Variants in CHD9 observed in about 807,000 individuals in gnomAD.
CHD9 encodes the protein ATP-dependent chromatin remodeler CHD9.
In CHD9, 77 loss-of-function variants were observed where a neutral mutation model predicts 316.1. The observed-to-expected ratio is 0.24, with a 90% CI of 0.20 to 0.29. The LOEUF is 0.29. Ranked by LOEUF, CHD9 falls within the 10% of genes least tolerant of loss-of-function variation. The probability of loss-of-function intolerance (pLI) is 1.00; values close to 1 mark genes in which losing one functional copy is unlikely to be tolerated. For missense variants in CHD9, 2,763 were observed against 3,438.1 expected (o/e 0.80, Z 4.91); for synonymous variants, 1,129 against 1,158.3 (o/e 0.97, Z 0.51).
intron 1 of CHD9, among the ~76,000 whole-genome samples, chr16:53,073,280 A>C (rs998553421): frequency 1.3e-5 from 2 of 152,194 alleles, no homozygotes; most frequent in African/African-American, 4.8e-5. Context: ...GATGACCTCA[A>C]GGTTCATCCG....
chr16:53,324,294 T>C lies in CHD9; in HGVS notation c.8093T>C (p.Leu2698Pro). 6.2e-7 allele frequency: 1 copy of C among 1,614,014 alleles called. No homozygotes were observed. The highest frequency in any genetic ancestry group is 8.5e-7 in the Non-Finnish European group (1 of 1,179,876). ...GGGTTGATGGGAATGCCTACCGGCC[T>C]TCCTTCTGGAGGAGAAGCTAAAAAC... ...TAGLMGMPTG[L>P]PSGGEAKNMA... The change falls in exon 39 of 39, where the codon CTT becomes CCT. Residue 2698 changes from leucine to proline, a missense_variant. Physicochemically the swap from Leu to Pro is moderately conservative, Grantham distance 98. Transcript: ENST00000447540.
At chr16:53,314,755 G>A in intron 35 of CHD9, 68 bp from the exon 36 acceptor site, 2 of 1,263,920 alleles carry the variant, frequency 1.6e-6, no homozygotes, top group Non-Finnish European at 2.2e-6. Context: ...AAAAATAATT[G>A]CTTTATTGAA....
chr16:53,128,970 C>T (rs755316997), intron 1 of CHD9, among the ~76,000 whole-genome samples: 1 of 152,094 alleles, frequency 6.6e-6, no homozygotes, highest in African/African-American at 2.4e-5. Context: ...GAAGTGTCAG[C>T]CCAGTAGTGA....
In CHD9 at chr16:53,231,450, T is replaced by C. The variant is rs61756313; in HGVS notation, c.2318T>C (p.Val773Ala). 28 of 1,601,280 alleles carry C rather than the reference T, an allele frequency of 1.7e-5. No individual in the cohort carries two copies. The highest frequency in any genetic ancestry group is 2.1e-5 in the Non-Finnish European group (25 of 1,169,866). ...GAAGAACCATTTAACCCAGACTACG[T>C]TGAAGTAGACAGAGTATTAGAAGTC... ...MEEEPFNPDY[V>A]EVDRVLEVSF... Residue 773 changes from valine to alanine, a missense_variant, in exon 9 of 39, where the codon GTT becomes GCT. By Grantham distance (64) the Val-to-Ala change is moderately conservative (BLOSUM62 0). Around this residue, in one of 15 missense-constraint regions of CHD9, gnomAD observed 186 missense variants for 245.0 expected, o/e 0.76. Coordinates refer to ENST00000447540, the MANE Select transcript of CHD9 (RefSeq NM_001308319.2).
chr16:53,090,465 G>A lies in CHD9; in HGVS notation c.-165+35388G>A, dbSNP rs945305742. On this transcript the variant is annotated intron_variant, in intron 1 of 38. Coordinates refer to ENST00000447540, the MANE Select transcript of CHD9 (RefSeq NM_001308319.2). ...CAGGAAAACATGTGAGTGTGGCAAG[G>A]TATTAATCTCTCTGCACATCAGTCG... Among the ~76,000 whole-genome samples, 11 of 152,170 alleles carry A rather than the reference G, an allele frequency of 7.2e-5. No individual in the cohort carries two copies. The East Asian group carries it at 1.9e-3, about 27-fold the overall frequency.
chr16:53,131,415 G>A (rs1351169896), intron 1 of CHD9: 1 of 145,818 alleles, frequency 6.9e-6, no homozygotes, highest in Admixed American at 6.8e-5. Flanking sequence ...CCCGGGGCCG[G>A]GGTCGGGCGG....
chr16:53,320,184 T>G, intron 37 of CHD9, among the ~76,000 whole-genome samples: 1 of 130,798 alleles, frequency 7.6e-6, no homozygotes, highest in East Asian at 2.2e-4. Flanking sequence ...AAAAAGTGAG[T>G]GAGTGAGTCT....
chr16:53,253,729 TG>T (rs2050322188), intron 17 of CHD9, among the ~76,000 whole-genome samples: 1 of 152,046 alleles, frequency 6.6e-6, no homozygotes, highest in Non-Finnish European at 1.5e-5. Context: ...GAGGCCAAAG[TG>T]GTAGGATCTC....
At chr16:53,154,817 G>A (rs1243112732) in intron 1 of CHD9, among the ~76,000 whole-genome samples, 3 of 152,138 alleles carry the variant, frequency 2.0e-5, no homozygotes, top group Admixed American at 6.5e-5. Context: ...GCAGCCTGGG[G>A]TTTCGGGACC....
chr16:53,254,014 T>C (rs2050349653), intron 17 of CHD9, among the ~76,000 whole-genome samples: 1 of 152,010 alleles, frequency 6.6e-6, no homozygotes. Context: ...CCATCTCTAC[T>C]AAAAATACAA....
chr16:53,253,599 C>A (rs541874574), intron 17 of CHD9, among the ~76,000 whole-genome samples: 3 of 151,998 alleles, frequency 2.0e-5, no homozygotes, highest in Non-Finnish European at 4.4e-5. Flanking sequence ...AAAAAAGTAC[C>A]CAGCTTAAAT....
At chr16:53,311,685 A>C (rs1395877072) in intron 34 of CHD9, 1 of 152,260 alleles carries the variant, frequency 6.6e-6, no homozygotes, top group African/African-American at 2.4e-5. Flanking sequence ...ACAAGAGGAC[A>C]AAACTGAAGA....
intron 1 of CHD9, among the ~76,000 whole-genome samples, chr16:53,126,013 A>G (rs2038954696): frequency 6.6e-6 from 1 of 152,150 alleles, no homozygotes; most frequent in Non-Finnish European, 1.5e-5. Context: ...ATGAAGTTTA[A>G]TCTACTTTTT....
At chr16:53,133,735 A>C (rs2039508357) in intron 1 of CHD9, among the ~76,000 whole-genome samples, 1 of 152,206 alleles carries the variant, frequency 6.6e-6, no homozygotes, top group South Asian at 2.1e-4. Context: ...TGACAAGATA[A>C]GATTAAGGAA....
At chr16:53,098,510 G>T (rs1464702507) in intron 1 of CHD9, among the ~76,000 whole-genome samples, 1 of 151,922 alleles carries the variant, frequency 6.6e-6, no homozygotes, top group Non-Finnish European at 1.5e-5. Context: ...AGAAAAGCTG[G>T]GAGGCCTGAG....
chr16:53,163,916 A>G (rs1567405476), intron 2 of CHD9, among the ~76,000 whole-genome samples: 1 of 152,182 alleles, frequency 6.6e-6, no homozygotes, highest in Non-Finnish European at 1.5e-5. Context: ...CATCACAACC[A>G]TCCTTTTATT....
chr16:53,137,224 G>A (rs951069852), intron 1 of CHD9, among the ~76,000 whole-genome samples: 14 of 151,972 alleles, frequency 9.2e-5, no homozygotes, highest in South Asian at 6.2e-4. Context: ...TGCCCGCCTC[G>A]GCCTCCCAAA....
chr16:53,069,242 G>A (rs1308985266), intron 1 of CHD9, among the ~76,000 whole-genome samples: 1 of 152,034 alleles, frequency 6.6e-6, no homozygotes, highest in East Asian at 1.9e-4. Context: ...AACCTCAAGT[G>A]ATCCACCCAC....
intron 37 of CHD9, chr16:53,321,039 A>G: frequency 2.9e-6 from 1 of 345,074 alleles, no homozygotes; most frequent in Middle Eastern, 9.8e-4. Flanking sequence ...ACTTAGCACA[A>G]TACTTGCCAT....
Sources: allele counts gnomAD v4.1 joint callset (sites outside exome capture counted in the v4.1 genomes callset), GRCh38; gene constraint gnomAD v4.1.1; regional missense constraint gnomAD v4.1.1; transcripts MANE v1.5; gene names NCBI Gene and HGNC (gene_info 2026-07-23, HGNC 2026-07-21).